FBXL7: variants seen among roughly 807,000 people sequenced by gnomAD.
FBXL7 encodes F-box/LRR-repeat protein 7.
A neutral mutation model predicts 38.3 loss-of-function variants in FBXL7; 12 were observed. That is an observed-to-expected ratio of 0.31 (90% confidence interval 0.20 to 0.51). FBXL7 has a LOEUF of 0.51. Ranked by LOEUF, FBXL7 falls within the 20% of genes least tolerant of loss-of-function variation. FBXL7 has a pLI of 0.98. For synonymous variants in FBXL7, 297 were observed against 300.9 expected (o/e 0.99, Z 0.13); for missense variants, 567 against 676.4 (o/e 0.84, Z 1.79).
At chr5:15,700,069 T>A (rs1743474110) in intron 2 of FBXL7, among the ~76,000 whole-genome samples, 1 of 152,214 alleles carries the variant, frequency 6.6e-6, no homozygotes, top group African/African-American at 2.4e-5. Context: ...ATTGTCTTTA[T>A]AAAATTAAAG....
chr5:15,616,203 G>A (rs1740447418), intron 2 of FBXL7, 131 bp downstream of exon 2: 5 of 555,850 alleles, frequency 9.0e-6, no homozygotes. Flanking sequence ...AAATGAGGAT[G>A]TTCAGGGTCT....
chr5:15,564,188 CCTGT>C (rs1021198424), intron 1 of FBXL7, among the ~76,000 whole-genome samples: 14 of 151,982 alleles, frequency 9.2e-5, no homozygotes, highest in Non-Finnish European at 2.9e-5. Flanking sequence ...TTATGAGATT[CCTGT>C]CTATTTCCCT....
chr5:15,859,197 G>C (rs1271960463), intron 2 of FBXL7, among the ~76,000 whole-genome samples: 1 of 152,136 alleles, frequency 6.6e-6, no homozygotes, highest in African/African-American at 2.4e-5. Context: ...GGAGCCAAGA[G>C]AGAAAGTGAA....
chr5:15,764,361 G>A lies in FBXL7; in HGVS notation c.127+148289G>A, dbSNP rs560732878. Among the ~76,000 whole-genome samples, 197 of 152,284 alleles carry A rather than the reference G, an allele frequency of 1.3e-3. 1 individual carries two copies. The highest frequency in any genetic ancestry group is 0.01 in the Middle Eastern group (3 of 294). On this transcript the variant is annotated intron_variant, in intron 2 of 3. Transcript: ENST00000504595. ...AATGAAAATGCAAGTATAGAGAGAT[G>A]TGTTTTCTCATCATTTTCTCAAACT... is the stretch of plus-strand genomic sequence containing the variant.
intron 2 of FBXL7, among the ~76,000 whole-genome samples, chr5:15,770,223 C>T (rs1736692518): frequency 6.6e-6 from 1 of 152,112 alleles, no homozygotes; most frequent in Non-Finnish European, 1.5e-5. Flanking sequence ...TCTTGCCATG[C>T]AAACCCTGAT....
intron 2 of FBXL7, among the ~76,000 whole-genome samples, chr5:15,797,576 T>C (rs770873607): frequency 1.7e-4 from 26 of 152,186 alleles, no homozygotes; most frequent in Non-Finnish European, 2.8e-4. Context: ...CCTGGCCAAA[T>C]GTCTGGCAGG....
chr5:15,803,602 G>A (rs935863516), intron 2 of FBXL7, among the ~76,000 whole-genome samples: 1 of 140,124 alleles, frequency 7.1e-6, no homozygotes, highest in African/African-American at 2.7e-5. Context: ...CTTTCTCTCT[G>A]CATTCCTTCT....
intron 1 of FBXL7, among the ~76,000 whole-genome samples, chr5:15,549,509 C>A (rs1738003894): frequency 6.6e-6 from 1 of 152,060 alleles, no homozygotes; most frequent in Admixed American, 6.6e-5. Flanking sequence ...TTTGCATGAA[C>A]ATTAAAATCC....
intron 2 of FBXL7, among the ~76,000 whole-genome samples, chr5:15,665,391 C>T (rs968973615): frequency 1.1e-4 from 16 of 152,264 alleles, no homozygotes; most frequent in African/African-American, 2.4e-4. Flanking sequence ...CCTATCTATA[C>T]GGTGGCCACT....
At chr5:15,744,124 A>G (rs1023753121) in intron 2 of FBXL7, among the ~76,000 whole-genome samples, 1 of 152,204 alleles carries the variant, frequency 6.6e-6, no homozygotes, top group Non-Finnish European at 1.5e-5. Flanking sequence ...TGTCTTGGTG[A>G]TTAACATTTG....
At chr5:15,683,276 T>G (rs1384274871) in intron 2 of FBXL7, among the ~76,000 whole-genome samples, 1 of 152,188 alleles carries the variant, frequency 6.6e-6, no homozygotes, top group Non-Finnish European at 1.5e-5. Context: ...GTTTAAAATG[T>G]TGTGAGTATA....
chr5:15,598,667 A>G (rs984159831), intron 1 of FBXL7, among the ~76,000 whole-genome samples: 7 of 152,084 alleles, frequency 4.6e-5, no homozygotes, highest in Non-Finnish European at 1.0e-4. Flanking sequence ...GTAATACAGT[A>G]TGGCGTCCAA....
chr5:15,631,321 C>A (rs1052894706), intron 2 of FBXL7, among the ~76,000 whole-genome samples: 1 of 152,022 alleles, frequency 6.6e-6, no homozygotes, highest in Non-Finnish European at 1.5e-5. Flanking sequence ...CATGTGAGGA[C>A]GTCCAGGATA....
chr5:15,686,009 G>T (rs147201846), intron 2 of FBXL7, among the ~76,000 whole-genome samples: 1 of 152,268 alleles, frequency 6.6e-6, no homozygotes, highest in African/African-American at 2.4e-5. Flanking sequence ...GTAAGGCCCT[G>T]TTGCCCCTTT....
intron 1 of FBXL7, among the ~76,000 whole-genome samples, chr5:15,536,934 T>C (rs1177549699): frequency 1.3e-5 from 2 of 152,156 alleles, no homozygotes; most frequent in Non-Finnish European, 2.9e-5. Context: ...TGGGAAGTGA[T>C]TGAATCATGG....
chr5:15,812,175 A>G (rs1737882707), intron 2 of FBXL7, among the ~76,000 whole-genome samples: 1 of 152,204 alleles, frequency 6.6e-6, no homozygotes. Flanking sequence ...GAATAAGTTC[A>G]GGTCCTTTGT....
chr5:15,518,302 A>G (rs1258230477), intron 1 of FBXL7, among the ~76,000 whole-genome samples: 3 of 152,138 alleles, frequency 2.0e-5, no homozygotes, highest in Admixed American at 6.5e-5. Flanking sequence ...TGTAGACCTA[A>G]AACCACAACC....
chr5:15,704,487 A>C (rs1370820617), intron 2 of FBXL7, among the ~76,000 whole-genome samples: 1 of 152,204 alleles, frequency 6.6e-6, no homozygotes, highest in East Asian at 1.9e-4. Context: ...CATTCAACTT[A>C]GGGATTCTGA....
chr5:15,612,700 A>T lies in FBXL7; in HGVS notation c.38-3283A>T, dbSNP rs78813908. Among the ~76,000 whole-genome samples, 1,297 of 152,300 alleles carry T rather than the reference A, an allele frequency of 8.5e-3. 21 individuals carry two copies. The highest frequency in any genetic ancestry group is 0.03 in the African/African-American group (1,241 of 41,554). On this transcript the variant is annotated intron_variant, in intron 1 of 3. Transcript: ENST00000504595. Reference sequence around the variant, plus strand: ...GGATAAGCAATAAAAGAGCAGTCTTAAAAATGTGCCCGATACAGTCAGACT... The same window carrying T: ...GGATAAGCAATAAAAGAGCAGTCTTTAAAATGTGCCCGATACAGTCAGACT...
Sources: allele counts gnomAD v4.1 joint callset (sites outside exome capture counted in the v4.1 genomes callset), GRCh38; gene constraint gnomAD v4.1.1; transcripts MANE v1.5; gene names NCBI Gene and HGNC (gene_info 2026-07-23, HGNC 2026-07-21).